Variants in GRIN3B observed in about 807,000 individuals in gnomAD.
GRIN3B encodes glutamate receptor ionotropic, NMDA 3B.
GRIN3B carries 77 observed loss-of-function variants against 66.0 expected under a neutral mutation model. The ratio of observed to expected loss-of-function variants is 1.17; its 90% CI spans 0.97 to 1.41. The LOEUF (loss-of-function observed/expected upper bound fraction) is 1.41, where lower values mean the gene tolerates loss of function less well. GRIN3B is among the 40% of genes most tolerant of loss of function. The pLI is 0.00. For missense variants in GRIN3B, 1,787 were observed against 1,564.5 expected (o/e 1.14, Z -2.40); for synonymous variants, 823 against 749.7 (o/e 1.10, Z -1.60).
Position 1,007,659 on chromosome 19 carries a change from G to A in GRIN3B, c.2084G>A (p.Gly695Asp). 6.5e-7 allele frequency: 1 copy of A among 1,528,952 alleles called. No homozygotes were observed. The highest frequency in any genetic ancestry group is 8.8e-7 in the Non-Finnish European group (1 of 1,140,276). 94.7% of individuals were successfully genotyped at this position (1,528,952 alleles called of 1,614,324 possible). The change falls in exon 4 of 9, where the codon GGC (glycine) becomes GAC (aspartate). Residue 695 changes from glycine to aspartate, a missense_variant. By Grantham distance (94) the Gly-to-Asp change is moderately conservative (BLOSUM62 -1). Transcript: ENST00000234389. The surrounding 1 kb of genome is among the most constrained non-coding windows in gnomAD (Gnocchi z 4.4). The part of the protein sequence containing the change: ...LHHPAQGFRF[G>D]TVWESSAEAY... ...CACCCGGCGCAGGGCTTCCGCTTCG[G>A]CACCGTGTGGGAGAGCAGCGCCGAG... is the stretch of plus-strand genomic sequence containing the variant.
Position 1,003,493 on chromosome 19 carries a change from CTGCCGCCCAAGG to C in GRIN3B, c.791_802del (p.Leu264_Ala268delinsPro). ...CCCCCACTGGCTGTTGGGGACACCACTGCCGCCCAAGGCCCTGCCCACCGCGGGGCTGCCACC... is the reference window on the plus strand; with the variant it reads ...CCCCCACTGGCTGTTGGGGACACCACCCCTGCCCACCGCGGGGCTGCCACC... On this transcript the variant is annotated inframe_deletion, in exon 2 of 9. Coordinates refer to ENST00000234389, the MANE Select transcript of GRIN3B (RefSeq NM_138690.3). 6.5e-7 allele frequency: 1 copy of C among 1,536,844 alleles called. No individual in the cohort carries two copies. The highest frequency in any genetic ancestry group is 1.2e-5 in the South Asian group (1 of 84,058).
rs1158769559 is a variant in GRIN3B, at chr19:1,000,432, T to C, written c.-6T>C. ...CCCCGTGGCGAGCGACGCCGACAAC[T>C]TTGCGATGGAGTTTGTGCGGGCGCT... On this transcript the variant is annotated 5_prime_UTR_variant, in exon 1 of 9. Coordinates refer to ENST00000234389, the MANE Select transcript of GRIN3B (RefSeq NM_138690.3). 29 of 1,213,746 alleles carry C rather than the reference T, an allele frequency of 2.4e-5. No individual in the cohort carries two copies. Among genetic ancestry groups the C allele is most frequent in the South Asian group, 4.1e-5 (1 of 24,494 alleles). 75.2% of individuals were successfully genotyped at this position (1,213,746 alleles called of 1,614,324 possible). A position where few individuals can be genotyped will look rare whatever the true frequency, so the allele number is the denominator to read the frequency against.
chr19:1,008,232 C>T lies in GRIN3B; in HGVS notation c.2407C>T (p.Leu803Phe), dbSNP rs1383599940. ...RYKSSGFIDL[L>F]HDKWYKMVPC... ...CAAGTCCTCCGGCTTCATCGACCTG[C>T]TCCACGACAAGTGGTACAAGATGGT... The change falls in exon 6 of 9, where the codon CTC (leucine) becomes TTC (phenylalanine). Residue 803 changes from leucine to phenylalanine, a missense_variant. Coordinates refer to ENST00000234389, the MANE Select transcript of GRIN3B (RefSeq NM_138690.3). 1 of 1,612,840 alleles carries T rather than the reference C, an allele frequency of 6.2e-7. No homozygotes were observed. Among genetic ancestry groups the T allele is most frequent in the East Asian group, 2.2e-5 (1 of 44,848 alleles).
intron 1 of GRIN3B, among the ~76,000 whole-genome samples, chr19:1,002,363 CAAA>C (rs71335327): frequency 0.29 from 21,554 of 74,568 alleles, 2,115 homozygotes; most frequent in Non-Finnish European, 0.35. Context: ...ACTAAAAATA[CAAA>C]AAAAAAAAAA....
At chr19:1,001,477 C>A (rs1285742611) in intron 1 of GRIN3B, among the ~76,000 whole-genome samples, 1 of 151,914 alleles carries the variant, frequency 6.6e-6, no homozygotes, top group Non-Finnish European at 1.5e-5. Flanking sequence ...CTAACCCCAC[C>A]CCAGGCCCAG....
Position 1,004,517 on chromosome 19 carries a change from C to CCCCGG in GRIN3B, c.1020-4_1020-3insCCCGG. 1 of 1,580,082 alleles carries CCCCGG rather than the reference C, an allele frequency of 6.3e-7. No individual in the cohort carries two copies. Among genetic ancestry groups the CCCCGG allele is most frequent in the Non-Finnish European group, 8.6e-7 (1 of 1,160,792 alleles). On this transcript the variant is annotated splice_polypyrimidine_tract_variant and splice_region_variant and intron_variant, in intron 2 of 8. Transcript: ENST00000234389. ...ACCTGACACCCCCCCCGCCCTGCCC[C>CCCCGG]TAGGTTCCTGGCCAACACGTCCTTC...
In GRIN3B at chr19:1,009,427, T is replaced by C; in HGVS notation, c.2957T>C (p.Leu986Pro). Residue 986 changes from leucine (L) to proline (P), a missense_variant, in exon 9 of 9, where the codon CTG (leucine) becomes CCG (proline). Leu to Pro is a moderately conservative substitution (Grantham distance 98). Coordinates refer to ENST00000234389, the MANE Select transcript of GRIN3B (RefSeq NM_138690.3). The part of the protein sequence containing the change: ...GAPQPGELQE[L>P]ERRIEVARER... ...CCCCAGCCCGGGGAGCTGCAGGAGC[T>C]GGAGCGCCGCATCGAAGTCGCGCGT... is the stretch of plus-strand genomic sequence containing the variant. The C allele has an allele frequency of 6.9e-7, 1 of 1,453,348 alleles. No homozygotes were observed. The highest frequency in any genetic ancestry group is 9.0e-7 in the Non-Finnish European group (1 of 1,109,412). 90.0% of individuals were successfully genotyped at this position (1,453,348 alleles called of 1,614,324 possible). A position where few individuals can be genotyped will look rare whatever the true frequency, so the allele number is the denominator to read the frequency against.
rs915225502 is a variant in GRIN3B, at chr19:1,008,186, G to C, written c.2361G>C (p.Leu787=). The C allele has an allele frequency of 6.2e-7, 1 of 1,609,808 alleles. No homozygotes were observed. Among genetic ancestry groups the C allele is most frequent in the African/African-American group, 1.3e-5 (1 of 74,888 alleles). Residue 787 remains leucine (L), a synonymous_variant, in exon 6 of 9, where the codon CTG becomes CTC. Coordinates refer to ENST00000234389, the MANE Select transcript of GRIN3B (RefSeq NM_138690.3). ...AGAACTCGCCGCTCACCTCCAACCT[G>C]TCCGAGTTCATCAGCCGCTACAAGT... ...LPQNSPLTSN[L]SEFISRYKSS...
At chr19:1,004,286 G>A (rs749884239) in intron 2 of GRIN3B, among the ~76,000 whole-genome samples, 4 of 152,178 alleles carry the variant, frequency 2.6e-5, no homozygotes, top group Non-Finnish European at 5.9e-5. Flanking sequence ...TTGTGTGTCA[G>A]TCACTGGCTT....
chr19:1,008,025 G>A, intron 5 of GRIN3B, 54 bp downstream of exon 5: 1 of 1,591,800 alleles, frequency 6.3e-7, no homozygotes, highest in South Asian at 1.1e-5. Context: ...ACCTCCTGGG[G>A]GCAGTGGGGA....
At position 1,004,535 on chromosome 19, in the gene GRIN3B, C is replaced by A; in HGVS notation, c.1034C>A (p.Thr345Lys). Residue 345 changes from threonine (T) to lysine (K), a missense_variant, in exon 3 of 9, where the codon ACG (threonine) becomes AAG (lysine). Thr to Lys is a moderately conservative substitution (Grantham distance 78). Coordinates refer to ENST00000234389, the MANE Select transcript of GRIN3B (RefSeq NM_138690.3). ...CCTGCCCCTAGGTTCCTGGCCAACA[C>A]GTCCTTCCAGGGCCGCACGGGCCCC... ...GRFLARFLAN[T>K]SFQGRTGPVW... The A allele has an allele frequency of 3.5e-6, 5 of 1,447,790 alleles. No homozygotes were observed. Among genetic ancestry groups the A allele is most frequent in the Non-Finnish European group, 4.7e-6 (5 of 1,064,750 alleles). The allele number at this position is 1,447,790 out of a possible 1,614,324, so 89.7% of individuals were successfully genotyped here.
rs1182696787 is a variant in GRIN3B at position 1,009,516 on chromosome 19, C to T, written c.3046C>T (p.Arg1016Cys). 2 of 1,491,898 alleles carry T rather than the reference C, an allele frequency of 1.3e-6. No individual in the cohort carries two copies. The highest frequency in any genetic ancestry group is 1.3e-5 in the South Asian group (1 of 79,226). 92.4% of individuals were successfully genotyped at this position (1,491,898 alleles called of 1,614,324 possible). Residue 1016 changes from arginine to cysteine, a missense_variant, in exon 9 of 9, where the codon CGT (arginine) becomes TGT (cysteine). Transcript: ENST00000234389. Reference sequence around the variant, plus strand: ...CCTGGCACAGCTCGGGGACAGCGCACGTCACCGGCCTCGGCGCTTGCTTCA... The same window carrying T: ...CCTGGCACAGCTCGGGGACAGCGCATGTCACCGGCCTCGGCGCTTGCTTCA... ...QLLAQLGDSA[R>C]HRPRRLLQAR...
rs1568393760 is a variant in GRIN3B at position 1,008,666 on chromosome 19, T to TGCCTGG, written c.2524_2529dup (p.Leu842_Gly843dup). On this transcript the variant is annotated inframe_insertion, in exon 7 of 9. Coordinates refer to ENST00000234389, the MANE Select transcript of GRIN3B (RefSeq NM_138690.3). ...CTTCGCGGGCCTCTTCGTGTTGCTG[T>TGCCTGG]GCCTGGGCCTGGGCAGCGCTCTGCT... 4.4e-6 allele frequency: 7 copies of TGCCTGG among 1,604,946 alleles called. No individual in the cohort carries two copies. In the Admixed American group the frequency reaches 5.0e-5, roughly 11 times the overall value.
chr19:1,009,116 C>T (rs2038804206), intron 8 of GRIN3B, 57 bp from the exon 9 acceptor site: 1 of 1,442,452 alleles, frequency 6.9e-7, no homozygotes, highest in South Asian at 1.5e-5. Context: ...TCTGCAGAGG[C>T]CCAGGGCGCG....
In GRIN3B at chr19:1,003,201, G is replaced by A; in HGVS notation, c.498G>A (p.Leu166=). The A allele has an allele frequency of 6.5e-7, 1 of 1,534,366 alleles. No homozygotes were observed. The highest frequency in any genetic ancestry group is 8.8e-7 in the Non-Finnish European group (1 of 1,142,818). The change falls in exon 2 of 9, where the codon CTG becomes CTA. Residue 166 remains leucine (L), a synonymous_variant. Coordinates refer to ENST00000234389, the MANE Select transcript of GRIN3B (RefSeq NM_138690.3). The part of the protein sequence containing the change: ...ETLLDVLVAV[L]QAHAWEDVGL... ...TGCTGGATGTGCTGGTGGCGGTGCT[G>A]CAGGCGCACGCCTGGGAAGACGTCG... is the stretch of plus-strand genomic sequence containing the variant.
At position 1,005,640 on chromosome 19, in the gene GRIN3B, G is replaced by A; in HGVS notation, c.2052+87G>A. On this transcript the variant is annotated intron_variant, in intron 3 of 8. Transcript: ENST00000234389. The surrounding 1 kb of genome is among the most constrained non-coding windows in gnomAD (Gnocchi z 5.2). ...TGTGTGGGGCAGGGGTGGTCAGCTG[G>A]ACGTGGAGGACGTCCACTAGGCCAA... The A allele has an allele frequency of 1.0e-6, 1 of 989,912 alleles. No individual in the cohort carries two copies. Among genetic ancestry groups the A allele is most frequent in the Non-Finnish European group, 1.5e-6 (1 of 684,540 alleles). The allele number at this position is 989,912 out of a possible 1,614,324, so 61.3% of individuals were successfully genotyped here.
Position 1,007,388 on chromosome 19 carries a change from G to A in GRIN3B, c.2053-240G>A, listed in dbSNP as rs544968427. On this transcript the variant is annotated intron_variant, in intron 3 of 8. Coordinates refer to ENST00000234389, the MANE Select transcript of GRIN3B (RefSeq NM_138690.3). The surrounding 1 kb of genome is among the most constrained non-coding windows in gnomAD (Gnocchi z 4.4). ...TGGACTTGCCGGCGTTTAGAACAGA[G>A]GGTCTCCACCCGGGGTGATCCTGCC... Among the ~76,000 whole-genome samples, 2 of 152,168 alleles carry A rather than the reference G, an allele frequency of 1.3e-5. No individual in the cohort carries two copies. Among genetic ancestry groups the A allele is most frequent in the East Asian group, 3.9e-4 (2 of 5,182 alleles).
rs535959386 is a variant in GRIN3B, at chr19:1,003,207, G to A, written c.504G>A (p.Ala168=). The A allele has an allele frequency of 9.9e-5, 153 of 1,546,684 alleles. No individual in the cohort carries two copies. The highest frequency in any genetic ancestry group is 2.0e-4 in the Admixed American group (10 of 50,916). The change falls in exon 2 of 9, where the codon GCG becomes GCA. Residue 168 remains alanine (A), a synonymous_variant. Coordinates refer to ENST00000234389, the MANE Select transcript of GRIN3B (RefSeq NM_138690.3). The part of the protein sequence containing the change: ...LLDVLVAVLQ[A]HAWEDVGLAL... ...ATGTGCTGGTGGCGGTGCTGCAGGC[G>A]CACGCCTGGGAAGACGTCGGCCTGG...
chr19:1,003,724 T>A lies in GRIN3B; in HGVS notation c.1019+2T>A. 2 of 1,400,036 alleles carry A rather than the reference T, an allele frequency of 1.4e-6. No individual in the cohort carries two copies. Among genetic ancestry groups the A allele is most frequent in the Non-Finnish European group, 1.8e-6 (2 of 1,083,024 alleles). The allele number at this position is 1,400,036 out of a possible 1,614,324, so 86.7% of individuals were successfully genotyped here. The stretch of plus-strand genomic sequence containing the variant: ...GTCCCCGGGGCGCTTCTTGGCACGG[T>A]GAGTGGGGACCCTGCTTCCCTTAGG... On this transcript the variant is annotated splice_donor_variant, in intron 2 of 8. Coordinates refer to ENST00000234389, the MANE Select transcript of GRIN3B (RefSeq NM_138690.3). LOFTEE classifies it high-confidence loss of function.
Sources: gnomAD v4.1 joint callset for allele counts (sites outside exome capture counted in the v4.1 genomes callset) on GRCh38, gnomAD v4.1.1 for gene constraint, Gnocchi (gnomAD v3.1) non-coding constraint, MANE v1.5 for transcripts, NCBI Gene and HGNC (gene_info 2026-07-23, HGNC 2026-07-21) for gene names.